The following MGAM variants were observed in gnomAD, a reference collection of about 807,000 sequenced individuals.
The protein encoded by MGAM is alpha-1,4-glucosidase.
Under a neutral mutation model 358.8 loss-of-function variants are expected in MGAM, and 253 were observed. That is an observed-to-expected ratio of 0.71 (90% CI 0.64 to 0.78). MGAM has a LOEUF of 0.78. Ranked by LOEUF, MGAM falls within the 30% of genes least tolerant of loss-of-function variation. MGAM has a pLI of 0.00. For synonymous variants in MGAM, 1,105 were observed against 1,227.1 expected (o/e 0.90, Z 2.08); for missense variants, 3,080 against 3,432.6 (o/e 0.90, Z 2.57).
chr7:142,081,604 G>A (rs1814297282), intron 50 of MGAM, among the ~76,000 whole-genome samples: 1 of 146,026 alleles, frequency 6.8e-6, no homozygotes, highest in African/African-American at 2.4e-5. Flanking sequence ...CGGTTGAGGG[G>A]GCAGCTTCAG....
chr7:142,035,185 A>G (rs535941600), intron 16 of MGAM, among the ~76,000 whole-genome samples: 3 of 152,218 alleles, frequency 2.0e-5, no homozygotes, highest in Non-Finnish European at 4.4e-5. Context: ...ATGAAGAACT[A>G]TAACATTGCC....
At chr7:141,998,533 T>C (rs1478132396) in intron 1 of MGAM, among the ~76,000 whole-genome samples, 1 of 152,196 alleles carries the variant, frequency 6.6e-6, no homozygotes, top group Non-Finnish European at 1.5e-5. Flanking sequence ...TGTGTTAGTT[T>C]GCTGAGAATG....
rs545477063 is a variant in MGAM at position 142,082,303 on chromosome 7, G to A, written c.6171+93G>A. Reference sequence around the variant, plus strand: ...TCATCTTCCCAAACTCCACTTGGTCGTCACATTCTGCTTTTAGGCGAGTGG... The same window carrying A: ...TCATCTTCCCAAACTCCACTTGGTCATCACATTCTGCTTTTAGGCGAGTGG... On this transcript the variant is annotated intron_variant, in intron 51 of 70. Coordinates refer to ENST00000475668, the MANE Select transcript of MGAM (RefSeq NM_001365693.1). 6.7e-4 allele frequency: 951 copies of A among 1,427,150 alleles called. 120 individuals carry two copies. Among genetic ancestry groups the A allele is most frequent in the East Asian group, 2.1e-3 (88 of 42,086 alleles). The allele number at this position is 1,427,150 out of a possible 1,614,324, so 88.4% of individuals were successfully genotyped here.
chr7:142,087,104 A>G (rs200344222), intron 57 of MGAM, among the ~76,000 whole-genome samples: 2 of 141,830 alleles, frequency 1.4e-5, no homozygotes, highest in East Asian at 4.1e-4. Flanking sequence ...TGCCTTGGTT[A>G]TCCCTTTTAA....
Position 142,060,300 on chromosome 7 carries a change from T to C in MGAM, c.4060-11T>C, listed in dbSNP as rs1326243629. ...CTAGTGCATCGCTACTGAACGTATT[T>C]CTCTCCATAGGTCTGGCCTGATTTT... is the stretch of plus-strand genomic sequence containing the variant. On this transcript the variant is annotated splice_polypyrimidine_tract_variant and intron_variant, in intron 33 of 70. Transcript: ENST00000475668. The C allele has an allele frequency of 1.2e-6, 2 of 1,613,758 alleles. No homozygotes were observed. The highest frequency in any genetic ancestry group is 2.2e-5 in the South Asian group (2 of 91,068).
At position 142,092,740 on chromosome 7, in the gene MGAM, A is replaced by G. The variant is rs1351637209; in HGVS notation, c.7033+132A>G. 1.1e-5 allele frequency: 10 copies of G among 883,682 alleles called. 1 individual carries two copies. The highest frequency in any genetic ancestry group is 1.5e-5 in the Non-Finnish European group (9 of 586,120). The allele number at this position is 883,682 out of a possible 1,614,324, so 54.7% of individuals were successfully genotyped here. ...TGGCTGCTGTGGTTTACTGGGGACC[A>G]GAGACAAAAGCTCTGCACGCGCTTT... On this transcript the variant is annotated intron_variant, in intron 59 of 70. Transcript: ENST00000475668.
intron 22 of MGAM, among the ~76,000 whole-genome samples, chr7:142,048,368 T>G (rs1810599108): frequency 6.6e-6 from 1 of 151,738 alleles, no homozygotes; most frequent in Non-Finnish European, 1.5e-5. Flanking sequence ...CAGGATGATC[T>G]CGATCTCCTA....
intron 10 of MGAM, among the ~76,000 whole-genome samples, chr7:142,029,842 G>A (rs1807306049): frequency 6.6e-6 from 1 of 152,284 alleles, no homozygotes; most frequent in South Asian, 2.1e-4. Flanking sequence ...AACCTAGGTT[G>A]TAGAGAAGGG....
chr7:142,082,396 G>T lies in MGAM; in HGVS notation c.6172-79G>T. 6.1e-6 allele frequency: 8 copies of T among 1,305,854 alleles called. 1 individual carries two copies. The South Asian group carries it at 8.9e-5, about 14-fold the overall frequency. The allele number at this position is 1,305,854 out of a possible 1,614,324, so 80.9% of individuals were successfully genotyped here. A position where few individuals can be genotyped will look rare whatever the true frequency, so the allele number is the denominator to read the frequency against. On this transcript the variant is annotated intron_variant, in intron 51 of 70. Coordinates refer to ENST00000475668, the MANE Select transcript of MGAM (RefSeq NM_001365693.1). ...CATGGAGAAAACTAGACCCATCTTA[G>T]CAAGCATATTTTTGTTGAGTTTCTT...
chr7:142,091,646 G>T (rs1440148258), intron 57 of MGAM, among the ~76,000 whole-genome samples: 1 of 146,362 alleles, frequency 6.8e-6, no homozygotes, highest in Admixed American at 6.9e-5. Flanking sequence ...GAGGTCACTA[G>T]TTCGGGTCAT....
chr7:142,102,780 T>C, intron 69 of MGAM, 101 bp downstream of exon 69: 1 of 1,142,416 alleles, frequency 8.8e-7, no homozygotes, highest in East Asian at 2.5e-5. Flanking sequence ...TCTTCATTGC[T>C]CATCTTGCTA....
At position 142,076,553 on chromosome 7, in the gene MGAM, C is replaced by T. The variant is rs538527478; in HGVS notation, c.5326-106C>T. 1.2e-5 allele frequency: 13 copies of T among 1,071,020 alleles called. No homozygotes were observed. In the South Asian group the frequency reaches 1.5e-4, roughly 12 times the overall value. 66.3% of individuals were successfully genotyped at this position (1,071,020 alleles called of 1,614,324 possible). ...CTAGTAGAGAAAGCAGAGAGGCATTCATGGCAGTGGGGGGTATCCAGTCTG... is the reference window on the plus strand; with the variant it reads ...CTAGTAGAGAAAGCAGAGAGGCATTTATGGCAGTGGGGGGTATCCAGTCTG... On this transcript the variant is annotated intron_variant, in intron 46 of 70. Coordinates refer to ENST00000475668, the MANE Select transcript of MGAM (RefSeq NM_001365693.1).
At chr7:142,098,463 G>C (rs1486070334) in intron 66 of MGAM, among the ~76,000 whole-genome samples, 1 of 152,076 alleles carries the variant, frequency 6.6e-6, no homozygotes, top group Non-Finnish European at 1.5e-5. Flanking sequence ...GGTACAAGCA[G>C]GGATACAGGA....
chr7:142,027,310 G>T, intron 9 of MGAM, 83 bp downstream of exon 9: 1 of 1,127,632 alleles, frequency 8.9e-7, no homozygotes, highest in Non-Finnish European at 1.3e-6. Context: ...GTGCAAGTGT[G>T]ACCCACAAAA....
At chr7:142,097,100 A>AT (rs1253469147) in intron 65 of MGAM, among the ~76,000 whole-genome samples, 3 of 148,758 alleles carry the variant, frequency 2.0e-5, no homozygotes, top group Admixed American at 6.7e-5. Flanking sequence ...GGCCAATTTA[A>AT]ATTTTTTTTT....
intron 27 of MGAM, among the ~76,000 whole-genome samples, 197 bp from the exon 28 acceptor site, chr7:142,055,361 C>T (rs62477616): frequency 0.19 from 29,480 of 151,938 alleles, 2,941 homozygotes; most frequent in Middle Eastern, 0.36. Context: ...CAGAGGGAAA[C>T]GGAAGAATGA....
chr7:142,007,235 T>A (rs1440961202), intron 2 of MGAM, among the ~76,000 whole-genome samples: 1 of 152,134 alleles, frequency 6.6e-6, no homozygotes, highest in Non-Finnish European at 1.5e-5. Context: ...TTATACATAG[T>A]TTTTTCATAA....
In MGAM at chr7:142,021,044, C is replaced by G. The variant is rs1554458530; in HGVS notation, c.519C>G (p.Leu173=). 5.0e-6 allele frequency: 8 copies of G among 1,612,982 alleles called. No homozygotes were observed. The highest frequency in any genetic ancestry group is 3.3e-4 in the Middle Eastern group (2 of 6,078). The change falls in exon 5 of 71, where the codon CTC becomes CTG. Residue 173 remains leucine (L), a synonymous_variant. Coordinates refer to ENST00000475668, the MANE Select transcript of MGAM (RefSeq NM_001365693.1). ...VFGSNVDNVL[L]TAEYQTSNRF... ...GAAGCAATGTTGACAATGTTCTTCT[C>G]ACAGCAGAATATCAGACATCTAATC...
In MGAM at chr7:142,040,115, G is replaced by A. The variant is rs1219532474; in HGVS notation, c.2317G>A (p.Gly773Ser). Residue 773 changes from glycine to serine, a missense_variant and splice_region_variant, in exon 20 of 71, where the codon GGT becomes AGT. This residue lies in a region of MGAM where 1,816 missense variants were observed against 1,840.5 expected (regional missense o/e 0.99). Transcript: ENST00000475668. ...GGACACTACATTTTTTTAATTTCAG[G>A]GTGCAGAGAAAGTGATGGCATATGT... ...GLLITPVLDE[G>S]AEKVMAYVPD... The A allele has an allele frequency of 2.5e-6, 4 of 1,609,996 alleles. No individual in the cohort carries two copies. Among genetic ancestry groups the A allele is most frequent in the Non-Finnish European group, 2.5e-6 (3 of 1,177,256 alleles).
Sources: gnomAD v4.1 joint callset for allele counts (sites outside exome capture counted in the v4.1 genomes callset) on GRCh38, gnomAD v4.1.1 for gene constraint, gnomAD v4.1.1 regional missense constraint, MANE v1.5 for transcripts, NCBI Gene and HGNC (gene_info 2026-07-23, HGNC 2026-07-21) for gene names.